Variants in MCM5 observed in about 807,000 individuals in gnomAD.
MCM5 encodes the protein minichromosome maintenance complex component 5, also known as DNA replication licensing factor MCM5.
MCM5 carries 46 observed loss-of-function variants against 79.9 expected under a neutral mutation model. The observed-to-expected ratio is 0.58, with a 90% CI of 0.45 to 0.74. The LOEUF (loss-of-function observed/expected upper bound fraction) is 0.74, where lower values mean the gene tolerates loss of function less well. Ranked by LOEUF, MCM5 falls within the 30% of genes least tolerant of loss-of-function variation. MCM5 has a pLI of 0.00. For synonymous variants in MCM5, 404 were observed against 390.5 expected, an observed-to-expected ratio of 1.03 and a Z score of -0.41; for missense variants, 883 against 1,017.0, an observed-to-expected ratio of 0.87 and a Z score of 1.79.
At chr22:35,446,283 G>T in the MCM5 span, among the ~76,000 whole-genome samples, 1 of 152,146 alleles carries the variant, frequency 6.6e-6, no homozygotes, top group Non-Finnish European at 1.5e-5. Flanking sequence ...AGGTGTCCCT[G>T]CCATGATCCT....
At chr22:35,418,511 T>C (rs968153649) in intron 13 of MCM5, among the ~76,000 whole-genome samples, 1 of 151,914 alleles carries the variant, frequency 6.6e-6, no homozygotes, top group Non-Finnish European at 1.5e-5. Context: ...AATACAAAAA[T>C]TAGCCGGGTG....
intron 6 of MCM5, chr22:35,409,727 C>T (rs133414): frequency 0.067 from 10,221 of 152,176 alleles, 488 homozygotes; most frequent in African/African-American, 0.13. Context: ...CTGAGGAGAG[C>T]GGATCTGTAG....
At chr22:35,454,090 A>G in the MCM5 span, among the ~76,000 whole-genome samples, 1 of 152,076 alleles carries the variant, frequency 6.6e-6, no homozygotes, top group Admixed American at 6.6e-5. Flanking sequence ...ACGGCGATAG[A>G]GTGAATGAGA....
the MCM5 span, among the ~76,000 whole-genome samples, chr22:35,435,090 G>T: frequency 2.6e-5 from 4 of 152,306 alleles, no homozygotes; most frequent in East Asian, 5.8e-4. Context: ...GGTGGAGGTT[G>T]CAGTGAGCTG....
chr22:35,439,125 A>G, the MCM5 span, among the ~76,000 whole-genome samples: 2 of 151,608 alleles, frequency 1.3e-5, no homozygotes, highest in Non-Finnish European at 2.9e-5. Context: ...CCACATATCC[A>G]TCCATCCATC....
At chr22:35,430,486 A>C in the MCM5 span, among the ~76,000 whole-genome samples, 1 of 148,444 alleles carries the variant, frequency 6.7e-6, no homozygotes, top group African/African-American at 2.5e-5. Context: ...GGAGCCCCAA[A>C]ACCAGCCAGT....
intron 13 of MCM5, 147 bp downstream of exon 13, chr22:35,418,003 G>T (rs1345286255): frequency 3.2e-6 from 2 of 617,800 alleles, no homozygotes; most frequent in Non-Finnish European, 2.9e-6. Flanking sequence ...AATCTGCTCT[G>T]CTCCCTTCTA....
intron 6 of MCM5, chr22:35,410,521 A>G (rs970303162): frequency 5.7e-6 from 3 of 522,384 alleles, no homozygotes; most frequent in Non-Finnish European, 1.1e-5. Context: ...TTTGGCTGTC[A>G]CTGTGGGCAA....
intron 12 of MCM5, 42 bp downstream of exon 12, chr22:35,416,856 C>T (rs559834594): frequency 9.4e-6 from 15 of 1,593,228 alleles, no homozygotes; most frequent in East Asian, 4.5e-5. Context: ...GACCTGCCTC[C>T]AGGCAGGCTT....
At chr22:35,436,899 T>A in the MCM5 span, among the ~76,000 whole-genome samples, 73,069 of 151,338 alleles carry the variant, frequency 0.48, 20,095 homozygotes, top group Non-Finnish European at 0.63. Context: ...AGGGGGAGAG[T>A]CAGTTCGCAG....
intron 4 of MCM5, among the ~76,000 whole-genome samples, chr22:35,405,885 C>A: frequency 6.6e-6 from 1 of 151,958 alleles, no homozygotes; most frequent in East Asian, 2.0e-4. Context: ...GTGGCAGTTA[C>A]CTGTAATCCC....
At chr22:35,452,613 A>G in the MCM5 span, among the ~76,000 whole-genome samples, 4 of 152,172 alleles carry the variant, frequency 2.6e-5, no homozygotes, top group Non-Finnish European at 5.9e-5. Context: ...CACTTTCTGT[A>G]CTAGCTGTAA....
At chr22:35,447,313 GC>G in the MCM5 span, among the ~76,000 whole-genome samples, 2 of 152,184 alleles carry the variant, frequency 1.3e-5, no homozygotes, top group African/African-American at 4.8e-5. Context: ...GGGTTCTGCT[GC>G]CTGCACAAGA....
At chr22:35,451,043 C>A in the MCM5 span, among the ~76,000 whole-genome samples, 1 of 152,178 alleles carries the variant, frequency 6.6e-6, no homozygotes, top group African/African-American at 2.4e-5. Context: ...GCTGTCCTTT[C>A]TTTCCCGGAA....
intron 16 of MCM5, chr22:35,423,665 G>C (rs1220456138): frequency 4.4e-6 from 1 of 227,878 alleles, no homozygotes; most frequent in Non-Finnish European, 8.5e-6. Context: ...TCATGGAGTG[G>C]GAAGGGGCAG....
rs1039813157 is a variant in MCM5 at position 35,415,949 on chromosome 22, G to A, written c.1324G>A (p.Val442Ile). ...CATGGTCCTGGCCGATGGTGGGGTCGTCTGTATTGACGAGTTTGACAAGGT... is the reference window on the plus strand; with the variant it reads ...CATGGTCCTGGCCGATGGTGGGGTCATCTGTATTGACGAGTTTGACAAGGT... ...GAMVLADGGVVCIDEFDKMRE... is the reference protein window; with the variant it reads ...GAMVLADGGVICIDEFDKMRE... Residue 442 changes from valine to isoleucine, a missense_variant, in exon 10 of 17, where the codon GTC becomes ATC. This residue lies in a region of MCM5 where 426 missense variants were observed against 482.3 expected (regional missense o/e 0.88). Transcript: ENST00000216122. 11 of 1,614,138 alleles carry A rather than the reference G, an allele frequency of 6.8e-6. No individual in the cohort carries two copies. The highest frequency in any genetic ancestry group is 4.5e-5 in the East Asian group (2 of 44,884).
downstream of MCM5, among the ~76,000 whole-genome samples, chr22:35,426,735 G>T (rs1401777266): frequency 1.3e-5 from 2 of 152,166 alleles, no homozygotes; most frequent in Non-Finnish European, 2.9e-5. Flanking sequence ...GGAAGGGCTG[G>T]GTGCCTGTGG....
At chr22:35,424,110 C>T (rs1377786629) in intron 16 of MCM5, 44 bp from the exon 17 acceptor site, 6 of 1,353,778 alleles carry the variant, frequency 4.4e-6, no homozygotes, top group Non-Finnish European at 6.2e-6. Flanking sequence ...TGTCGGAGTC[C>T]CCTCGGGCAG....
Position 35,403,303 on chromosome 22 carries a change from G to A in MCM5, c.264G>A (p.Leu88=). 6.2e-7 allele frequency: 1 copy of A among 1,614,156 alleles called. No homozygotes were observed. The highest frequency in any genetic ancestry group is 8.5e-7 in the Non-Finnish European group (1 of 1,180,032). The change falls in exon 3 of 17, where the codon TTG becomes TTA. Residue 88 remains leucine (L), a synonymous_variant. Transcript: ENST00000216122. ...ASFDEDLADY[L]YKQPAEHLQL... is the part of the protein sequence containing the mutation. ...TTGATGAGGACCTGGCCGACTACTTGTACAAGCAGCCAGCCGAGCACCTGC... is the reference window on the plus strand; with the variant it reads ...TTGATGAGGACCTGGCCGACTACTTATACAAGCAGCCAGCCGAGCACCTGC...
Sources: gnomAD v4.1 joint callset for allele counts (sites outside exome capture counted in the v4.1 genomes callset) on GRCh38, gnomAD v4.1.1 for gene constraint, gnomAD v4.1.1 regional missense constraint, MANE v1.5 for transcripts, NCBI Gene and HGNC (gene_info 2026-07-23, HGNC 2026-07-21) for gene names.